MID1: variants seen among roughly 807,000 people sequenced by gnomAD.
The protein encoded by MID1 is E3 ubiquitin-protein ligase Midline-1.
A neutral mutation model predicts 40.4 loss-of-function variants in MID1; 7 were observed. The observed-to-expected ratio is 0.17, with a 90% CI of 0.10 to 0.33. The LOEUF is 0.33. Among genes scored for constraint, MID1 ranks in the 10% least tolerant of loss-of-function variants. The pLI is 1.00. For missense variants in MID1, 367 were observed against 558.5 expected (o/e 0.66, Z 3.46); for synonymous variants, 229 against 221.2 (o/e 1.04, Z -0.31).
intron 1 of MID1, among the ~76,000 whole-genome samples, chrX:10,765,527 A>C (rs1407425390): frequency 8.9e-6 from 1 of 112,123 alleles, no homozygotes; most frequent in Non-Finnish European, 1.9e-5. Flanking sequence ...CTGTATTCAC[A>C]GTTTTTAAGG....
At chrX:10,812,187 C>A (rs753887627) in intron 1 of MID1, among the ~76,000 whole-genome samples, 2 of 111,260 alleles carry the variant, frequency 1.8e-5, no homozygotes, top group African/African-American at 3.3e-5. Flanking sequence ...TATTTGGGGG[C>A]AGTTTTGACA....
chrX:10,779,471 C>A (rs747316989), intron 1 of MID1, among the ~76,000 whole-genome samples: 1 of 112,070 alleles, frequency 8.9e-6, no homozygotes, highest in East Asian at 2.8e-4. Flanking sequence ...CCACGCCTGG[C>A]GAGGTAGGAA....
intron 1 of MID1, among the ~76,000 whole-genome samples, chrX:10,741,620 A>C (rs2043524160): frequency 9.1e-6 from 1 of 109,769 alleles, no homozygotes; most frequent in Admixed American, 9.9e-5. Flanking sequence ...ACAACTGTTC[A>C]TAATTTGCTG....
At chrX:10,827,950 T>C (rs1249985229) in intron 1 of MID1, among the ~76,000 whole-genome samples, 3 of 111,077 alleles carry the variant, frequency 2.7e-5, no homozygotes, top group Non-Finnish European at 5.7e-5. Flanking sequence ...GTCTAAATAA[T>C]AGTCAGCCAA....
At chrX:10,711,913 G>A (rs1365369085) in intron 1 of MID1, among the ~76,000 whole-genome samples, 4 of 111,988 alleles carry the variant, frequency 3.6e-5, no homozygotes, top group African/African-American at 1.3e-4. Context: ...TGGGAGAAGA[G>A]TGTTACTGGC....
intron 1 of MID1, among the ~76,000 whole-genome samples, chrX:10,707,206 C>T (rs752675232): frequency 2.7e-5 from 3 of 111,886 alleles, no homozygotes; most frequent in Non-Finnish European, 5.6e-5. Flanking sequence ...GAGAGGCTTC[C>T]CTCTACACAG....
At chrX:10,452,772 A>T (rs1182409698) in intron 9 of MID1, among the ~76,000 whole-genome samples, 2 of 111,360 alleles carry the variant, frequency 1.8e-5, no homozygotes, top group Non-Finnish European at 3.8e-5. Flanking sequence ...TTTCCCCCTC[A>T]TGAGTTAGTT....
At chrX:10,829,020 A>T (rs2044234383) in intron 1 of MID1, among the ~76,000 whole-genome samples, 2 of 112,395 alleles carry the variant, frequency 1.8e-5, no homozygotes, top group Admixed American at 1.9e-4. Flanking sequence ...TCTGGAAGAA[A>T]CTTGGGAAAC....
intron 1 of MID1, among the ~76,000 whole-genome samples, chrX:10,817,510 TTTTCTCTTTCTTTC>T (rs2044143288): frequency 9.8e-6 from 1 of 101,789 alleles, no homozygotes; most frequent in Non-Finnish European, 2.0e-5. Context: ...TCTTTTCTTT[TTTTCTCTTTCTTTC>T]TTTCTTTCTT....
intron 1 of MID1, among the ~76,000 whole-genome samples, chrX:10,666,400 A>G (rs2042951159): frequency 1.3e-5 from 1 of 79,089 alleles, no homozygotes; most frequent in Non-Finnish European, 2.4e-5. Context: ...TGCCCTTGAT[A>G]AACTGCAAAA....
intron 1 of MID1, among the ~76,000 whole-genome samples, chrX:10,696,340 A>G (rs1418280235): frequency 8.9e-6 from 1 of 112,061 alleles, no homozygotes; most frequent in African/African-American, 3.2e-5. Context: ...GCCCTCCCCA[A>G]GGGAAGAAGC....
chrX:10,638,312 C>T (rs1936144625), intron 1 of MID1, among the ~76,000 whole-genome samples: 1 of 112,150 alleles, frequency 8.9e-6, no homozygotes, highest in Admixed American at 9.4e-5. Context: ...CACCCTAATA[C>T]TGTGCTTTTC....
intron 1 of MID1, among the ~76,000 whole-genome samples, chrX:10,570,167 T>C (rs1009171213): frequency 9.0e-6 from 1 of 111,635 alleles, no homozygotes; most frequent in African/African-American, 3.3e-5. Context: ...TACCCACTCC[T>C]TTCTCTGCTC....
intron 1 of MID1, among the ~76,000 whole-genome samples, chrX:10,691,418 C>T (rs2043130766): frequency 9.0e-6 from 1 of 111,367 alleles, no homozygotes; most frequent in Admixed American, 9.5e-5. Flanking sequence ...GTGAAGATTT[C>T]ATGGACACTT....
intron 1 of MID1, among the ~76,000 whole-genome samples, chrX:10,815,518 T>G (rs2044130251): frequency 8.9e-6 from 1 of 112,551 alleles, no homozygotes; most frequent in African/African-American, 3.2e-5. Context: ...GAGTCTTACG[T>G]GGCTTCTTCA....
At chrX:10,460,821 G>C (rs190008708) in intron 7 of MID1, among the ~76,000 whole-genome samples, 1 of 110,360 alleles carries the variant, frequency 9.1e-6, no homozygotes, top group East Asian at 2.8e-4. Context: ...ATCTTTTTTT[G>C]GTCTCACCTC....
intron 4 of MID1, among the ~76,000 whole-genome samples, chrX:10,487,442 T>A (rs1291504072): frequency 8.9e-6 from 1 of 112,300 alleles, no homozygotes; most frequent in East Asian, 2.8e-4. Context: ...TTTTTCATTA[T>A]ATAATACACA....
At chrX:10,571,316 C>G (rs1338771809) in intron 1 of MID1, among the ~76,000 whole-genome samples, 1 of 111,688 alleles carries the variant, frequency 9.0e-6, no homozygotes, top group Non-Finnish European at 1.9e-5. Flanking sequence ...GTGCATCCCA[C>G]TTTTTCCACT....
intron 1 of MID1, among the ~76,000 whole-genome samples, chrX:10,591,523 A>C (rs1452965035): frequency 8.9e-6 from 1 of 112,153 alleles, no homozygotes; most frequent in African/African-American, 3.2e-5. Flanking sequence ...TGCACACTCC[A>C]GGGGTGCTGG....
Sources: gnomAD v4.1 joint callset for allele counts (sites outside exome capture counted in the v4.1 genomes callset) on GRCh38, gnomAD v4.1.1 for gene constraint, MANE v1.5 for transcripts, NCBI Gene and HGNC (gene_info 2026-07-23, HGNC 2026-07-21) for gene names.